Variants in ST3GAL3 observed in about 807,000 individuals in gnomAD.
ST3GAL3 encodes CMP-N-acetylneuraminate-beta-1,4-galactoside alpha-2,3-sialyltransferase.
ST3GAL3 carries 21 observed loss-of-function variants against 50.1 expected under a neutral mutation model. The observed-to-expected ratio is 0.42, with a 90% CI of 0.30 to 0.60. ST3GAL3 has a LOEUF of 0.60. ST3GAL3 is among the 20% of genes least tolerant of loss of function. The pLI, the probability that ST3GAL3 is intolerant of heterozygous loss-of-function variation, is 0.19. For missense variants in ST3GAL3, 353 were observed against 489.4 expected, an observed-to-expected ratio of 0.72 and a Z score of 2.63; for synonymous variants, 183 against 190.0, an observed-to-expected ratio of 0.96 and a Z score of 0.30.
intron 6 of ST3GAL3, among the ~76,000 whole-genome samples, chr1:43,897,255 G>A (rs1163892854): frequency 2.6e-5 from 4 of 152,078 alleles, no homozygotes; most frequent in Admixed American, 2.6e-4. Flanking sequence ...CATCTTCGTG[G>A]TTATTTGATG....
chr1:43,811,830 C>G (rs916075854), intron 3 of ST3GAL3, among the ~76,000 whole-genome samples: 3 of 152,182 alleles, frequency 2.0e-5, no homozygotes, highest in African/African-American at 7.2e-5. Flanking sequence ...GTTCATAACA[C>G]AGCTCCCCAC....
chr1:43,871,419 G>A lies in ST3GAL3; in HGVS notation c.303-22964G>A, dbSNP rs185135524. On this transcript the variant is annotated intron_variant, in intron 5 of 11. Transcript: ENST00000347631. ...GGACCTGTGTTAATGGAGTGTGAGG[G>A]AGAGGACGGGGTGTGAGGGAGAAGA... Among the ~76,000 whole-genome samples, 751 of 152,128 alleles carry A rather than the reference G, an allele frequency of 4.9e-3. 4 individuals carry two copies. Among genetic ancestry groups the A allele is most frequent in the Non-Finnish European group, 5.7e-3 (389 of 68,006 alleles).
chr1:43,822,616 C>T (rs1426304983), intron 4 of ST3GAL3, among the ~76,000 whole-genome samples: 3 of 152,138 alleles, frequency 2.0e-5, no homozygotes, highest in Admixed American at 2.0e-4. Context: ...TCTAAAACAG[C>T]CTGTCAAGTT....
intron 2 of ST3GAL3, among the ~76,000 whole-genome samples, chr1:43,753,586 C>A (rs1182406986): frequency 6.6e-6 from 1 of 152,138 alleles, no homozygotes; most frequent in Non-Finnish European, 1.5e-5. Context: ...GTCTCAGTTC[C>A]CTCCCTGCTG....
At chr1:43,871,330 C>T (rs1356356874) in intron 5 of ST3GAL3, among the ~76,000 whole-genome samples, 2 of 152,178 alleles carry the variant, frequency 1.3e-5, no homozygotes, top group Non-Finnish European at 2.9e-5. Flanking sequence ...GCTAGGAATA[C>T]AGCCAGGCAA....
At chr1:43,795,722 G>A (rs1261733501) in intron 3 of ST3GAL3, among the ~76,000 whole-genome samples, 1 of 152,172 alleles carries the variant, frequency 6.6e-6, no homozygotes, top group African/African-American at 2.4e-5. Flanking sequence ...TTCCAGATAA[G>A]ACAGAGTGAG....
At chr1:43,726,520 CAT>C (rs1209118297) in intron 1 of ST3GAL3, among the ~76,000 whole-genome samples, 3 of 152,194 alleles carry the variant, frequency 2.0e-5, no homozygotes, top group African/African-American at 4.8e-5. Context: ...CTCTTGGCCT[CAT>C]GTGATCCTCC....
chr1:43,782,240 A>G (rs563440907), intron 2 of ST3GAL3, among the ~76,000 whole-genome samples: 60 of 152,202 alleles, frequency 3.9e-4, no homozygotes, highest in Non-Finnish European at 7.6e-4. Context: ...AGTCCTCACC[A>G]TCCCACATCC....
At chr1:43,846,526 A>C (rs1258753814) in intron 5 of ST3GAL3, among the ~76,000 whole-genome samples, 1 of 152,154 alleles carries the variant, frequency 6.6e-6, no homozygotes, top group African/African-American at 2.4e-5. Flanking sequence ...GGGAAGGAGC[A>C]TGTTTATATT....
chr1:43,790,674 C>T (rs923330068), intron 2 of ST3GAL3, among the ~76,000 whole-genome samples: 3 of 149,048 alleles, frequency 2.0e-5, no homozygotes, highest in African/African-American at 7.5e-5. Flanking sequence ...GCTCTGTCAC[C>T]AGGCTGGAGT....
intron 1 of ST3GAL3, among the ~76,000 whole-genome samples, chr1:43,717,049 G>A (rs944939515): frequency 2.0e-5 from 3 of 152,162 alleles, no homozygotes; most frequent in Admixed American, 6.6e-5. Flanking sequence ...ACTCCTTAGC[G>A]TGGCTTGTAA....
chr1:43,844,100 T>C (rs2065853668), intron 5 of ST3GAL3, among the ~76,000 whole-genome samples: 1 of 152,176 alleles, frequency 6.6e-6, no homozygotes, highest in African/African-American at 2.4e-5. Flanking sequence ...GAACAGCCAG[T>C]TGGAAGAGAT....
intron 5 of ST3GAL3, among the ~76,000 whole-genome samples, chr1:43,859,303 A>C (rs1208643255): frequency 1.3e-5 from 2 of 152,156 alleles, no homozygotes; most frequent in Non-Finnish European, 2.9e-5. Context: ...AGTTTCCTAC[A>C]CTGGACAACT....
chr1:43,805,433 C>T (rs564018464), intron 3 of ST3GAL3, among the ~76,000 whole-genome samples: 11 of 152,336 alleles, frequency 7.2e-5, no homozygotes, highest in Non-Finnish European at 1.5e-4. Flanking sequence ...AGGACAGAAA[C>T]AACAGATGTG....
chr1:43,762,906 GC>G (rs1263155984), intron 2 of ST3GAL3, among the ~76,000 whole-genome samples: 10 of 152,108 alleles, frequency 6.6e-5, no homozygotes, highest in Non-Finnish European at 1.0e-4. Flanking sequence ...ATGGGAAGAA[GC>G]CTGAGAAGGA....
chr1:43,735,020 G>A (rs773470316), intron 1 of ST3GAL3, among the ~76,000 whole-genome samples: 2 of 152,092 alleles, frequency 1.3e-5, no homozygotes, highest in Non-Finnish European at 2.9e-5. Context: ...ATAGAAACAA[G>A]GCAGCATTCA....
At chr1:43,750,598 G>C (rs529994771) in intron 2 of ST3GAL3, among the ~76,000 whole-genome samples, 7 of 152,222 alleles carry the variant, frequency 4.6e-5, no homozygotes, top group Middle Eastern at 6.8e-3. Context: ...AATGAAAAAT[G>C]TTATCTTTTG....
At chr1:43,774,162 G>A (rs1044906454) in intron 2 of ST3GAL3, among the ~76,000 whole-genome samples, 1 of 152,034 alleles carries the variant, frequency 6.6e-6, no homozygotes, top group Non-Finnish European at 1.5e-5. Context: ...GGGGGCAATT[G>A]GGTACATTTT....
intron 3 of ST3GAL3, among the ~76,000 whole-genome samples, chr1:43,800,993 C>T (rs2059253356): frequency 2.0e-5 from 3 of 152,152 alleles, no homozygotes; most frequent in South Asian, 4.1e-4. Flanking sequence ...CTTAGCAATT[C>T]ATCATAGCCC....
Sources: allele counts gnomAD v4.1 joint callset (sites outside exome capture counted in the v4.1 genomes callset), GRCh38; gene constraint gnomAD v4.1.1; transcripts MANE v1.5; gene names NCBI Gene and HGNC (gene_info 2026-07-23, HGNC 2026-07-21).